TENM3: variants seen among roughly 807,000 people sequenced by gnomAD.
The protein encoded by TENM3 is teneurin transmembrane protein 3, also known as teneurin-3.
In TENM3, 63 loss-of-function variants were observed where a neutral mutation model predicts 255.1. The ratio of observed to expected loss-of-function variants is 0.25; its 90% CI spans 0.20 to 0.30. The LOEUF (loss-of-function observed/expected upper bound fraction) is 0.30. Ranked by LOEUF, TENM3 falls within the 10% of genes least tolerant of loss-of-function variation. The pLI is 1.00. For missense variants in TENM3, 2,929 were observed against 3,461.1 expected (o/e 0.85, Z 3.86); for synonymous variants, 1,306 against 1,322.3 (o/e 0.99, Z 0.27).
the TENM3 span, among the ~76,000 whole-genome samples, chr4:181,553,260 A>AGTGTGTGT: frequency 0.016 from 2,194 of 133,490 alleles, 35 homozygotes; most frequent in Admixed American, 0.039. Flanking sequence ...ATAGTCATTA[A>AGTGTGTGT]GTGTGTGTGT....
chr4:182,290,580 G>T (rs145702265), intron 1 of TENM3, among the ~76,000 whole-genome samples: 109 of 151,674 alleles, frequency 7.2e-4, no homozygotes, highest in Admixed American at 2.5e-3. Context: ...TCTGCTCACT[G>T]CAATCTCCAT....
chr4:182,323,733 A>C (rs1020881729), intron 1 of TENM3, among the ~76,000 whole-genome samples: 5 of 152,110 alleles, frequency 3.3e-5, no homozygotes, highest in Non-Finnish European at 5.9e-5. Flanking sequence ...TTCAATAAAC[A>C]CTCATAGCAC....
At chr4:182,540,533 G>C (rs940984089) in intron 3 of TENM3, among the ~76,000 whole-genome samples, 2 of 152,044 alleles carry the variant, frequency 1.3e-5, no homozygotes, top group African/African-American at 2.4e-5. Context: ...GTTACGGTGA[G>C]CCGAGATCAC....
At chr4:182,049,753 G>A in the TENM3 span, among the ~76,000 whole-genome samples, 1 of 152,304 alleles carries the variant, frequency 6.6e-6, no homozygotes, top group South Asian at 2.1e-4. Context: ...CTCGGCATCG[G>A]CGACAGCTTA....
At chr4:182,233,563 A>T (rs1312946594) in intron 1 of TENM3, among the ~76,000 whole-genome samples, 3 of 152,210 alleles carry the variant, frequency 2.0e-5, no homozygotes, top group Admixed American at 1.3e-4. Flanking sequence ...GGAAGAGGAC[A>T]TTCTGGAAAC....
At chr4:182,380,052 T>C (rs547288729) in intron 3 of TENM3, among the ~76,000 whole-genome samples, 22 of 152,236 alleles carry the variant, frequency 1.4e-4, no homozygotes, top group African/African-American at 4.8e-4. Context: ...GCGGATCACC[T>C]GAGGTCAGGA....
intron 3 of TENM3, among the ~76,000 whole-genome samples, chr4:182,548,437 A>G (rs1560905874): frequency 6.6e-6 from 1 of 152,106 alleles, no homozygotes; most frequent in Non-Finnish European, 1.5e-5. Context: ...TCCAACACAG[A>G]TCACTAAAGC....
At chr4:181,825,898 G>A in the TENM3 span, among the ~76,000 whole-genome samples, 1 of 152,012 alleles carries the variant, frequency 6.6e-6, no homozygotes, top group Non-Finnish European at 1.5e-5. Context: ...CTTCACTCCC[G>A]CTTTTTGATA....
the TENM3 span, among the ~76,000 whole-genome samples, chr4:181,448,880 T>C: frequency 6.6e-6 from 1 of 152,214 alleles, no homozygotes; most frequent in East Asian, 1.9e-4. Context: ...TATAATTTTA[T>C]TAGACACTTT....
At chr4:181,698,693 A>T in the TENM3 span, among the ~76,000 whole-genome samples, 1 of 152,238 alleles carries the variant, frequency 6.6e-6, no homozygotes, top group African/African-American at 2.4e-5. Flanking sequence ...AGATCTTGGC[A>T]AATCACCTAA....
chr4:182,777,545 T>TGTG (rs1273276930), intron 24 of TENM3, among the ~76,000 whole-genome samples: 2 of 88,626 alleles, frequency 2.3e-5, no homozygotes, highest in African/African-American at 4.6e-5. Context: ...GTGTGTGTAT[T>TGTG]TCTTTTTTTT....
chr4:182,579,332 G>A (rs1404595288), intron 3 of TENM3, among the ~76,000 whole-genome samples: 1 of 151,868 alleles, frequency 6.6e-6, no homozygotes, highest in African/African-American at 2.4e-5. Flanking sequence ...ATGAGAGGTA[G>A]GGAAGGGTCT....
chr4:181,491,163 A>G, the TENM3 span, among the ~76,000 whole-genome samples: 1 of 152,106 alleles, frequency 6.6e-6, no homozygotes, highest in African/African-American at 2.4e-5. Flanking sequence ...GCACTTATTT[A>G]CTGACTTTAT....
chr4:181,514,072 A>T, the TENM3 span, among the ~76,000 whole-genome samples: 8 of 152,212 alleles, frequency 5.3e-5, no homozygotes, highest in East Asian at 1.5e-3. Context: ...TCCATAGTAA[A>T]TAATATGTAT....
At chr4:181,588,050 G>C in the TENM3 span, among the ~76,000 whole-genome samples, 1 of 152,140 alleles carries the variant, frequency 6.6e-6, no homozygotes. Context: ...CCTGGTCACG[G>C]GAAAGCAGGG....
the TENM3 span, among the ~76,000 whole-genome samples, chr4:181,963,772 T>C: frequency 2.6e-5 from 4 of 152,310 alleles, no homozygotes; most frequent in East Asian, 5.8e-4. Flanking sequence ...TAAAACTTAA[T>C]GGGTGCTTGT....
intron 1 of TENM3, among the ~76,000 whole-genome samples, chr4:182,210,078 C>T (rs1754902076): frequency 6.6e-6 from 1 of 152,128 alleles, no homozygotes; most frequent in Non-Finnish European, 1.5e-5. Flanking sequence ...TTTCTCTTTC[C>T]CTCTCCCTCC....
the TENM3 span, among the ~76,000 whole-genome samples, chr4:181,577,080 T>A: frequency 4.2e-5 from 5 of 120,294 alleles, no homozygotes; most frequent in Admixed American, 9.9e-5. Flanking sequence ...ATAAATAATA[T>A]ATAATATATA....
chr4:181,843,822 C>T, the TENM3 span, among the ~76,000 whole-genome samples: 264 of 149,582 alleles, frequency 1.8e-3, 8 homozygotes, highest in South Asian at 0.054. Context: ...CAGGTTCAAG[C>T]GATTCTCCTG....
Sources: allele counts gnomAD v4.1 joint callset (sites outside exome capture counted in the v4.1 genomes callset), GRCh38; gene constraint gnomAD v4.1.1; transcripts MANE v1.5; gene names NCBI Gene and HGNC (gene_info 2026-07-23, HGNC 2026-07-21).